Variants in HECW2 observed in about 807,000 individuals in gnomAD.
The protein encoded by HECW2 is E3 ubiquitin-protein ligase HECW2.
A neutral mutation model predicts 175.2 loss-of-function variants in HECW2; 61 were observed. The observed-to-expected ratio is 0.35, with a 90% CI of 0.28 to 0.43. The LOEUF is 0.43. HECW2 is among the 20% of genes least tolerant of loss of function. HECW2 has a pLI of 1.00. For synonymous variants in HECW2, 671 were observed against 731.0 expected (o/e 0.92, Z 1.32); for missense variants, 1,524 against 2,000.5 (o/e 0.76, Z 4.54).
intron 1 of HECW2, among the ~76,000 whole-genome samples, chr2:196,551,039 A>G (rs1689588959): frequency 1.3e-5 from 2 of 152,234 alleles, no homozygotes; most frequent in South Asian, 2.1e-4. Context: ...CAAACTTCCA[A>G]TTAGGATGAA....
chr2:196,546,632 A>C (rs1689432478), intron 1 of HECW2, among the ~76,000 whole-genome samples: 1 of 152,124 alleles, frequency 6.6e-6, no homozygotes, highest in East Asian at 1.9e-4. Flanking sequence ...TGCTTGACCT[A>C]CCTAAAGGTT....
chr2:196,423,722 C>T (rs150790157), intron 2 of HECW2, among the ~76,000 whole-genome samples: 16 of 23,874 alleles, frequency 6.7e-4, no homozygotes, highest in African/African-American at 1.7e-3. Flanking sequence ...GTGTTTATCA[C>T]ATTTTTCTTA....
chr2:196,342,145 C>T (rs1692775538), intron 3 of HECW2, among the ~76,000 whole-genome samples: 1 of 151,990 alleles, frequency 6.6e-6, no homozygotes, highest in Non-Finnish European at 1.5e-5. Context: ...GGGCTCATGT[C>T]TGTAATCCCA....
At chr2:196,406,944 C>T (rs1694981284) in intron 2 of HECW2, among the ~76,000 whole-genome samples, 1 of 152,172 alleles carries the variant, frequency 6.6e-6, no homozygotes, top group Admixed American at 6.5e-5. Flanking sequence ...TACTATCTGA[C>T]ATTTTTCTTG....
rs1420387740 is a variant in HECW2 at position 196,464,164 on chromosome 2, T to C, written c.-35-30706A>G. Among the ~76,000 whole-genome samples, 3 of 152,098 alleles carry C rather than the reference T, an allele frequency of 2.0e-5. 1 individual carries two copies. In the South Asian group the frequency reaches 6.2e-4, roughly 32 times the overall value. On this transcript the variant is annotated intron_variant, in intron 1 of 28. Coordinates refer to ENST00000644978, the MANE Select transcript of HECW2 (RefSeq NM_001348768.2). ...ATTTTGGATCTCTCAACATAAAACA[T>C]TAGGAAAATGGCACCTAAGAAAGCA... is the stretch of plus-strand genomic sequence containing the variant.
intron 1 of HECW2, among the ~76,000 whole-genome samples, chr2:196,501,933 C>T (rs911837673): frequency 3.3e-5 from 5 of 152,134 alleles, no homozygotes; most frequent in Admixed American, 2.6e-4. Context: ...GGAAAAAAGA[C>T]ACAGGATGAA....
chr2:196,202,923 T>C lies in HECW2; in HGVS notation c.4608-1535A>G, dbSNP rs1019883095. 3.9e-5 allele frequency among the ~76,000 whole-genome samples: 6 copies of C among 152,188 alleles called. No individual in the cohort carries two copies. In the East Asian group the frequency reaches 1.2e-3, roughly 29 times the overall value. ...AGTCTAAACATGAAATTCATTTACG[T>C]TTCACATGCACCTTGTATACACAGA... On this transcript the variant is annotated intron_variant, in intron 28 of 28. Coordinates refer to ENST00000644978, the MANE Select transcript of HECW2 (RefSeq NM_001348768.2).
At chr2:196,453,567 T>G (rs1288902932) in intron 1 of HECW2, among the ~76,000 whole-genome samples, 2 of 152,326 alleles carry the variant, frequency 1.3e-5, no homozygotes, top group Non-Finnish European at 2.9e-5. Context: ...GACAAAAGAT[T>G]CCTGATTAAT....
At chr2:196,392,759 C>T (rs1448857508) in intron 2 of HECW2, among the ~76,000 whole-genome samples, 1 of 152,108 alleles carries the variant, frequency 6.6e-6, no homozygotes, top group African/African-American at 2.4e-5. Flanking sequence ...AGACAAGAAA[C>T]CACCACTATT....
At chr2:196,564,305 T>A (rs1050227990) in intron 1 of HECW2, among the ~76,000 whole-genome samples, 1 of 152,168 alleles carries the variant, frequency 6.6e-6, no homozygotes, top group Non-Finnish European at 1.5e-5. Flanking sequence ...ATGTGTGAAA[T>A]TTTATTGCAT....
At chr2:196,515,215 G>C (rs992186093) in intron 1 of HECW2, among the ~76,000 whole-genome samples, 2 of 152,230 alleles carry the variant, frequency 1.3e-5, no homozygotes, top group Non-Finnish European at 2.9e-5. Context: ...AGAAGCTGGC[G>C]TGCCTGGCTG....
intron 14 of HECW2, chr2:196,288,502 C>T (rs528638259): frequency 9.2e-5 from 14 of 152,458 alleles, no homozygotes; most frequent in Admixed American, 7.8e-4. Context: ...AAATGCCATT[C>T]TCTCAGACCA....
intron 10 of HECW2, among the ~76,000 whole-genome samples, chr2:196,308,490 A>G (rs1691356028): frequency 6.6e-6 from 1 of 152,314 alleles, no homozygotes; most frequent in Middle Eastern, 3.4e-3. Context: ...TTCTAGCTTC[A>G]ATGAAAGCCT....
At chr2:196,465,060 C>G (rs1037209794) in intron 1 of HECW2, among the ~76,000 whole-genome samples, 6 of 152,110 alleles carry the variant, frequency 3.9e-5, no homozygotes, top group Non-Finnish European at 8.8e-5. Context: ...ATAGCAATAC[C>G]CTTACTTGCC....
At chr2:196,315,120 G>C (rs71422610) in intron 10 of HECW2, among the ~76,000 whole-genome samples, 2,587 of 150,758 alleles carry the variant, frequency 0.017, 28 homozygotes, top group Non-Finnish European at 0.029. Flanking sequence ...AGATTTGCAA[G>C]TTGCTTGGTC....
intron 28 of HECW2, among the ~76,000 whole-genome samples, chr2:196,209,993 G>A (rs1277915840): frequency 2.0e-5 from 3 of 152,122 alleles, no homozygotes; most frequent in Non-Finnish European, 4.4e-5. Context: ...TCCATCTCCT[G>A]ACCTCGTGAT....
In HECW2 at chr2:196,493,086, AG is replaced by A. The variant is rs1260744396; in HGVS notation, c.-35-59629del. On this transcript the variant is annotated intron_variant, in intron 1 of 28. Coordinates refer to ENST00000644978, the MANE Select transcript of HECW2 (RefSeq NM_001348768.2). ...TAATAAGATCGAAATTGGATAACAC[AG>A]GCTAGACATGGTGGCTCATGCCTGT... Among the ~76,000 whole-genome samples the A allele has an allele frequency of 6.6e-5, 10 of 152,314 alleles. No individual in the cohort carries two copies. In the South Asian group the frequency reaches 1.0e-3, roughly 16 times the overall value.
At chr2:196,222,794 A>G (rs1343817178) in intron 23 of HECW2, among the ~76,000 whole-genome samples, 2 of 151,820 alleles carry the variant, frequency 1.3e-5, no homozygotes, top group Non-Finnish European at 2.9e-5. Context: ...ATTGAAAGAC[A>G]TGATTTTTAT....
chr2:196,422,666 G>A (rs577921258), intron 2 of HECW2, among the ~76,000 whole-genome samples: 11 of 152,116 alleles, frequency 7.2e-5, no homozygotes, highest in Admixed American at 3.3e-4. Flanking sequence ...AGCATAATCT[G>A]ACTAGGTGAA....
Sources: allele counts gnomAD v4.1 joint callset (sites outside exome capture counted in the v4.1 genomes callset), GRCh38; gene constraint gnomAD v4.1.1; transcripts MANE v1.5; gene names NCBI Gene and HGNC (gene_info 2026-07-23, HGNC 2026-07-21).